The following VWA8 variants were observed in gnomAD, a reference collection of about 807,000 sequenced individuals.
VWA8 encodes von Willebrand factor A domain containing 8.
VWA8 carries 221 observed loss-of-function variants against 241.5 expected under a neutral mutation model. The observed-to-expected ratio is 0.91, with a 90% CI of 0.82 to 1.02. The LOEUF (loss-of-function observed/expected upper bound fraction) is 1.02, where lower values mean the gene tolerates loss of function less well. VWA8 is among the 50% of genes least tolerant of loss of function. The probability of loss-of-function intolerance (pLI) is 0.00; values close to 1 mark genes in which losing one functional copy is unlikely to be tolerated. For synonymous variants in VWA8, 852 were observed against 827.1 expected, an observed-to-expected ratio of 1.03 and a Z score of -0.52; for missense variants, 2,322 against 2,328.7, an observed-to-expected ratio of 1.00 and a Z score of 0.06.
intron 43 of VWA8, among the ~76,000 whole-genome samples, chr13:41,573,499 A>G (rs1211693124): frequency 7.0e-6 from 1 of 143,046 alleles, no homozygotes; most frequent in African/African-American, 2.6e-5. Flanking sequence ...ATATATATAT[A>G]TATATATACC....
intron 21 of VWA8, among the ~76,000 whole-genome samples, chr13:41,743,654 C>T (rs1170785199): frequency 6.6e-6 from 1 of 152,174 alleles, no homozygotes; most frequent in African/African-American, 2.4e-5. Context: ...AGTAGTCTCC[C>T]ATTTATTCCT....
chr13:41,737,709 C>T (rs2045536572), intron 21 of VWA8, among the ~76,000 whole-genome samples: 1 of 152,136 alleles, frequency 6.6e-6, no homozygotes, highest in Non-Finnish European at 1.5e-5. Context: ...ATGTTCTCAT[C>T]ACAAGTAATG....
intron 17 of VWA8, among the ~76,000 whole-genome samples, chr13:41,801,504 C>T (rs988881015): frequency 6.6e-6 from 1 of 152,128 alleles, no homozygotes; most frequent in Non-Finnish European, 1.5e-5. Context: ...GGACAACAAG[C>T]ATAGTCACCA....
At chr13:41,947,748 A>C (rs1877914637) in intron 2 of VWA8, among the ~76,000 whole-genome samples, 1 of 151,870 alleles carries the variant, frequency 6.6e-6, no homozygotes, top group Non-Finnish European at 1.5e-5. Context: ...CAGCCTGATC[A>C]ATGTGGTGAA....
At chr13:41,594,392 A>C (rs907059821) in intron 40 of VWA8, among the ~76,000 whole-genome samples, 1 of 152,084 alleles carries the variant, frequency 6.6e-6, no homozygotes, top group Non-Finnish European at 1.5e-5. Flanking sequence ...AGCCTCCCAA[A>C]GTGCTGGGAC....
At chr13:41,682,403 T>C (rs1242170342) in intron 35 of VWA8, among the ~76,000 whole-genome samples, 1 of 152,298 alleles carries the variant, frequency 6.6e-6, no homozygotes, top group East Asian at 1.9e-4. Context: ...ATAAATCTAA[T>C]GTAAAATATA....
chr13:41,873,368 T>C (rs1184579151), intron 9 of VWA8, among the ~76,000 whole-genome samples: 3 of 151,884 alleles, frequency 2.0e-5, no homozygotes, highest in Admixed American at 6.6e-5. Context: ...CACAAAAAAA[T>C]CCTTCAAAAA....
At chr13:41,760,609 T>C (rs940936253) in intron 21 of VWA8, among the ~76,000 whole-genome samples, 25 of 151,926 alleles carry the variant, frequency 1.6e-4, no homozygotes, top group African/African-American at 3.1e-4. Context: ...AAGCTAAAAA[T>C]GACCCATATT....
At chr13:41,569,757 G>A (rs2139628961) in intron 44 of VWA8, among the ~76,000 whole-genome samples, 1 of 151,730 alleles carries the variant, frequency 6.6e-6, no homozygotes, top group Admixed American at 6.6e-5. Context: ...AAAGATAAAT[G>A]TTATTGTGTT....
intron 21 of VWA8, among the ~76,000 whole-genome samples, chr13:41,749,287 A>C (rs2045635304): frequency 6.6e-6 from 1 of 152,238 alleles, no homozygotes; most frequent in Non-Finnish European, 1.5e-5. Context: ...GAGAAATGCA[A>C]AGCAAAAACC....
chr13:41,826,810 G>C (rs1489702863), intron 14 of VWA8, among the ~76,000 whole-genome samples: 1 of 152,124 alleles, frequency 6.6e-6, no homozygotes, highest in Non-Finnish European at 1.5e-5. Flanking sequence ...GGAGTTCAAG[G>C]CTGCAGTGAG....
intron 21 of VWA8, among the ~76,000 whole-genome samples, chr13:41,733,473 G>A (rs2045501219): frequency 6.6e-6 from 1 of 152,188 alleles, no homozygotes; most frequent in African/African-American, 2.4e-5. Flanking sequence ...CTTGGAAAGT[G>A]TATAACGCCG....
chr13:41,945,179 C>G (rs1186685706), intron 2 of VWA8, among the ~76,000 whole-genome samples: 1 of 151,966 alleles, frequency 6.6e-6, no homozygotes, highest in East Asian at 1.9e-4. Context: ...CTTATTGATT[C>G]AAGGCATTAA....
intron 14 of VWA8, among the ~76,000 whole-genome samples, chr13:41,820,548 C>G (rs887360424): frequency 6.6e-6 from 1 of 152,108 alleles, no homozygotes; most frequent in Non-Finnish European, 1.5e-5. Context: ...CATGAAAGGC[C>G]TAGATGAAAT....
intron 10 of VWA8, among the ~76,000 whole-genome samples, chr13:41,867,159 C>T (rs548362345): frequency 1.3e-5 from 2 of 152,334 alleles, no homozygotes; most frequent in African/African-American, 2.4e-5. Context: ...CTTGTTCATA[C>T]CTCATGCTTC....
At chr13:41,883,263 G>T in intron 9 of VWA8, 124 bp downstream of exon 9, 1 of 681,166 alleles carries the variant, frequency 1.5e-6, no homozygotes, top group Non-Finnish European at 2.5e-6. Context: ...GGAAGGGAAA[G>T]GAAAGAAATA....
chr13:41,852,606 A>T (rs1872570870), intron 12 of VWA8, among the ~76,000 whole-genome samples: 1 of 152,050 alleles, frequency 6.6e-6, no homozygotes, highest in African/African-American at 2.4e-5. Context: ...ACATTTATGT[A>T]TTTAATCCAT....
chr13:41,873,654 T>C (rs1178712156), intron 9 of VWA8, among the ~76,000 whole-genome samples: 16 of 152,292 alleles, frequency 1.1e-4, no homozygotes, highest in Admixed American at 5.2e-4. Context: ...AATCTCTGAA[T>C]AGACCAATAA....
At chr13:41,705,790 A>C (rs1328516360) in intron 26 of VWA8, among the ~76,000 whole-genome samples, 1 of 152,190 alleles carries the variant, frequency 6.6e-6, no homozygotes, top group Non-Finnish European at 1.5e-5. Context: ...GAGAGTAGAG[A>C]GAAGTGTCAC....
Sources: allele counts gnomAD v4.1 joint callset (sites outside exome capture counted in the v4.1 genomes callset), GRCh38; gene constraint gnomAD v4.1.1; transcripts MANE v1.5; gene names NCBI Gene and HGNC (gene_info 2026-07-23, HGNC 2026-07-21).